The following GRIK1 variants were observed in gnomAD, a reference collection of about 807,000 sequenced individuals.
GRIK1 encodes glutamate receptor ionotropic, kainate 1.
Under a neutral mutation model 105.7 loss-of-function variants are expected in GRIK1, and 69 were observed. The observed-to-expected ratio is 0.65, with a 90% CI of 0.54 to 0.80. GRIK1 has a LOEUF of 0.80. Among genes scored for constraint, GRIK1 ranks in the 30% least tolerant of loss-of-function variants. The probability of loss-of-function intolerance (pLI) is 0.00; values close to 1 mark genes in which losing one functional copy is unlikely to be tolerated. For missense variants in GRIK1, 1,109 were observed against 1,167.3 expected, an observed-to-expected ratio of 0.95 and a Z score of 0.73; for synonymous variants, 438 against 431.3, an observed-to-expected ratio of 1.02 and a Z score of -0.19.
chr21:29,706,743 T>C lies in GRIK1; in HGVS notation c.119-12680A>G, dbSNP rs1276941423. Among the ~76,000 whole-genome samples, 3 of 152,184 alleles carry C rather than the reference T, an allele frequency of 2.0e-5. No individual in the cohort carries two copies. The East Asian group carries it at 5.8e-4, about 29-fold the overall frequency. ...GGATCTGTGTTAGGAATGCCTCAAA[T>C]AAGAACTTTTGGAAATACACACCAT... On this transcript the variant is annotated intron_variant, in intron 1 of 17. Transcript: ENST00000327783.
At chr21:29,892,329 A>G (rs987947415) in intron 1 of GRIK1, among the ~76,000 whole-genome samples, 1 of 152,246 alleles carries the variant, frequency 6.6e-6, no homozygotes, top group African/African-American at 2.4e-5. Context: ...AGGAGGTGGC[A>G]TGTGAATCCT....
At chr21:29,779,079 A>G (rs2145768957) in intron 1 of GRIK1, among the ~76,000 whole-genome samples, 1 of 152,348 alleles carries the variant, frequency 6.6e-6, no homozygotes, top group South Asian at 2.1e-4. Context: ...TACCCAGCTG[A>G]GCACAGGGCA....
At chr21:29,552,506 C>T (rs936891759) in intron 16 of GRIK1, among the ~76,000 whole-genome samples, 1 of 151,998 alleles carries the variant, frequency 6.6e-6, no homozygotes, top group African/African-American at 2.4e-5. Context: ...TTTTTTCCTT[C>T]TTGCCCGTTT....
chr21:29,610,751 G>T (rs2061714167), intron 7 of GRIK1, among the ~76,000 whole-genome samples: 2 of 151,762 alleles, frequency 1.3e-5, no homozygotes, highest in Non-Finnish European at 2.9e-5. Flanking sequence ...CACCTAAAAA[G>T]CAATAGGAAA....
intron 16 of GRIK1, among the ~76,000 whole-genome samples, chr21:29,552,036 T>G (rs961118812): frequency 1.1e-4 from 16 of 152,122 alleles, no homozygotes; most frequent in African/African-American, 3.9e-4. Context: ...GAAGCAAAGC[T>G]GAGAAACAAT....
chr21:29,789,120 T>C (rs1340211921), intron 1 of GRIK1, among the ~76,000 whole-genome samples: 4 of 152,196 alleles, frequency 2.6e-5, no homozygotes, highest in Non-Finnish European at 4.4e-5. Flanking sequence ...ATATCAGCAA[T>C]GATGAAAGAA....
chr21:29,915,175 T>C (rs2070951546), intron 1 of GRIK1, among the ~76,000 whole-genome samples: 1 of 149,244 alleles, frequency 6.7e-6, no homozygotes, highest in Admixed American at 6.6e-5. Flanking sequence ...GCTATATACA[T>C]GAATCCAGAC....
chr21:29,918,996 A>T (rs2071098825), intron 1 of GRIK1, among the ~76,000 whole-genome samples: 1 of 151,888 alleles, frequency 6.6e-6, no homozygotes, highest in East Asian at 1.9e-4. Flanking sequence ...AGAGTTAGCA[A>T]CAGCTCTAAG....
intron 6 of GRIK1, among the ~76,000 whole-genome samples, chr21:29,649,681 G>A (rs1428235659): frequency 6.6e-6 from 1 of 152,192 alleles, no homozygotes; most frequent in Non-Finnish European, 1.5e-5. Flanking sequence ...TGTCAGCTCA[G>A]TATAATTGAA....
intron 7 of GRIK1, chr21:29,630,792 T>TTTTTTG (rs1029375835): frequency 2.8e-6 from 1 of 353,070 alleles, no homozygotes; most frequent in Non-Finnish European, 5.5e-6. Context: ...TTTTGTTTTG[T>TTTTTTG]TTTTTGTTTT....
intron 1 of GRIK1, among the ~76,000 whole-genome samples, chr21:29,917,167 T>A (rs2071027241): frequency 6.6e-6 from 1 of 152,034 alleles, no homozygotes. Context: ...GATTTTAACA[T>A]AAGATAGGAA....
intron 7 of GRIK1, among the ~76,000 whole-genome samples, chr21:29,616,852 A>G (rs2061862433): frequency 6.6e-6 from 1 of 152,256 alleles, no homozygotes; most frequent in Non-Finnish European, 1.5e-5. Context: ...AGCAACATAC[A>G]TTCTGCCTAT....
At chr21:29,846,329 A>G (rs1327328615) in intron 1 of GRIK1, among the ~76,000 whole-genome samples, 1 of 150,378 alleles carries the variant, frequency 6.6e-6, no homozygotes, top group Non-Finnish European at 1.5e-5. Context: ...CGGAGGTTGC[A>G]GTGAGCCGAG....
intron 1 of GRIK1, among the ~76,000 whole-genome samples, chr21:29,854,374 C>T (rs459425): frequency 0.32 from 48,747 of 151,882 alleles, 8,505 homozygotes; most frequent in East Asian, 0.46. Flanking sequence ...CATTTGGGAT[C>T]AGACTTCAAC....
chr21:29,577,256 T>G, intron 13 of GRIK1, 75 bp from the exon 14 acceptor site: 3 of 798,596 alleles, frequency 3.8e-6, no homozygotes, highest in Non-Finnish European at 6.4e-6. Flanking sequence ...TCGACACTAT[T>G]CTAGGAAGAT....
At chr21:29,741,228 A>G (rs1396512409) in intron 1 of GRIK1, among the ~76,000 whole-genome samples, 1 of 152,264 alleles carries the variant, frequency 6.6e-6, no homozygotes, top group Admixed American at 6.5e-5. Flanking sequence ...TTCCTAGGAC[A>G]TTAAATGGCT....
At chr21:29,760,833 T>C (rs2065493189) in intron 1 of GRIK1, among the ~76,000 whole-genome samples, 1 of 152,156 alleles carries the variant, frequency 6.6e-6, no homozygotes, top group South Asian at 2.1e-4. Flanking sequence ...TAGATGTCTG[T>C]CAGTGATTCA....
At chr21:29,632,414 G>A (rs1428180128) in intron 7 of GRIK1, among the ~76,000 whole-genome samples, 1 of 151,950 alleles carries the variant, frequency 6.6e-6, no homozygotes, top group African/African-American at 2.4e-5. Flanking sequence ...AGTGAAAAAT[G>A]AATGAACTGG....
intron 1 of GRIK1, among the ~76,000 whole-genome samples, chr21:29,857,026 A>G (rs1379769236): frequency 6.6e-6 from 1 of 152,202 alleles, no homozygotes; most frequent in Non-Finnish European, 1.5e-5. Flanking sequence ...GCAAATCCAC[A>G]GGAAGGATTT....
Sources: allele counts gnomAD v4.1 joint callset (sites outside exome capture counted in the v4.1 genomes callset), GRCh38; gene constraint gnomAD v4.1.1; transcripts MANE v1.5; gene names NCBI Gene and HGNC (gene_info 2026-07-23, HGNC 2026-07-21).